Variants in C6orf120 observed in about 807,000 individuals in gnomAD.
C6orf120 encodes UPF0669 protein C6orf120.
For synonymous variants in C6orf120, 165 were observed against 123.1 expected (o/e 1.34, Z -2.25); for missense variants, 311 against 264.2 (o/e 1.18, Z -1.23).
downstream of C6orf120, chr6:169,705,263 TG>T: frequency 6.2e-7 from 1 of 1,613,578 alleles, no homozygotes; most frequent in Non-Finnish European, 8.5e-7. Context: ...TACACTGCCA[TG>T]GGTAGGTCTT....
chr6:169,705,269 G>C, downstream of C6orf120: 1 of 1,613,080 alleles, frequency 6.2e-7, no homozygotes, highest in Non-Finnish European at 8.5e-7. Context: ...GCCATGGGTA[G>C]GTCTTAATCA....
exon 1 of C6orf120, chr6:169,703,995 A>T: frequency 6.3e-7 from 1 of 1,595,060 alleles, no homozygotes; most frequent in East Asian, 2.3e-5. Context: ...TTAGAGTCAA[A>T]AACTATTTTA....
In C6orf120 at chr6:169,702,787, TTCCGGCGC is replaced by T. The variant is rs1380311417; in HGVS notation, c.329_336del (p.Phe110SerfsTer69). Reference sequence around the variant, plus strand: ...GGACGCCGTGTCCATCCCCGCGCACTTCCGGCGCCCAGTGGGCATCGGCGTCTATGGAC... The same window carrying T: ...GGACGCCGTGTCCATCCCCGCGCACTCCAGTGGGCATCGGCGTCTATGGAC... On this transcript the variant is annotated frameshift_variant, in exon 1 of 1. Transcript: ENST00000332290. LOFTEE classifies it low-confidence loss of function (END_TRUNC). 3.1e-6 allele frequency: 5 copies of T among 1,613,020 alleles called. No individual in the cohort carries two copies. The highest frequency in any genetic ancestry group is 4.2e-6 in the Non-Finnish European group (5 of 1,179,954).
At chr6:169,703,768 C>G (rs1461963352) in exon 1 of C6orf120, 1 of 507,266 alleles carries the variant, frequency 2.0e-6, no homozygotes, top group African/African-American at 2.0e-5. Flanking sequence ...TCTTAAGTTA[C>G]TAAACATTTC....
chr6:169,702,325 C>G (rs1354568767), exon 1 of C6orf120: 1 of 644,628 alleles, frequency 1.6e-6, no homozygotes, highest in Non-Finnish European at 2.7e-6. Flanking sequence ...AAGGGACAGT[C>G]CCAGCGACAG....
At chr6:169,702,623 G>C in exon 1 of C6orf120, 1 of 1,613,352 alleles carries the variant, frequency 6.2e-7, no homozygotes. Flanking sequence ...GGGAACTACA[G>C]CTACCTGCGG....
chr6:169,705,266 G>A (rs775110325), downstream of C6orf120: 3 of 1,613,294 alleles, frequency 1.9e-6, no homozygotes, highest in Non-Finnish European at 2.5e-6. Context: ...ACTGCCATGG[G>A]TAGGTCTTAA....
At position 169,702,513 on chromosome 6, in the gene C6orf120, C is replaced by T. The variant is rs370823465; in HGVS notation, c.54C>T (p.Leu18=). The change falls in exon 1 of 1, where the codon CTC becomes CTT. Residue 18 remains leucine, a synonymous_variant. Coordinates refer to ENST00000332290, the Ensembl canonical transcript of C6orf120. ...CCTGGACGACGGCCCTGCTGCTGCT[C>T]CTAGCCTCGCAGGTCCTGTCTCCGG... 989 of 1,606,912 alleles carry T rather than the reference C, an allele frequency of 6.2e-4. 9 individuals are homozygous for T. The South Asian group carries it at 0.011, about 17-fold the overall frequency.
chr6:169,703,496 C>G (rs1326292952), exon 1 of C6orf120: 1 of 208,710 alleles, frequency 4.8e-6, no homozygotes, highest in Non-Finnish European at 1.1e-5. Context: ...CATGCCTGTA[C>G]CCCAAGTAGG....
rs1585294666 is a variant in C6orf120 at position 169,704,285 on chromosome 6, A to G, written c.*1250A>G. Reference sequence around the variant, plus strand: ...ATGTAATCAATGCCATGCAAAATTCATTGCAAGTCAAGGGGGATGGGAGAG... The same window carrying G: ...ATGTAATCAATGCCATGCAAAATTCGTTGCAAGTCAAGGGGGATGGGAGAG... On this transcript the variant is annotated 3_prime_UTR_variant, in exon 1 of 1. Transcript: ENST00000332290. 7.8e-6 allele frequency: 4 copies of G among 513,896 alleles called. No individual in the cohort carries two copies. In the East Asian group the frequency reaches 1.4e-4, roughly 18 times the overall value. The allele number at this position is 513,896 out of a possible 1,614,324, so 31.8% of individuals were successfully genotyped here. A position where few individuals can be genotyped will look rare whatever the true frequency, so the allele number is the denominator to read the frequency against.
exon 1 of C6orf120, chr6:169,702,231 G>A: frequency 1.4e-6 from 1 of 690,122 alleles, no homozygotes; most frequent in South Asian, 1.5e-5. Flanking sequence ...CCCTGCCCCT[G>A]CCCCTGCCCC....
At chr6:169,705,686 C>T (rs1199374859), downstream of C6orf120, 58 of 1,592,674 alleles carry the variant, frequency 3.6e-5, no homozygotes, top group Non-Finnish European at 5.0e-5. Flanking sequence ...CCTTACCCTT[C>T]AGACAAATTC....
At chr6:169,702,856 G>T in exon 1 of C6orf120, 1 of 1,612,008 alleles carries the variant, frequency 6.2e-7, no homozygotes, top group Non-Finnish European at 8.5e-7. Flanking sequence ...CGAGATGAAG[G>T]TGTACTACGA....
chr6:169,703,919 CTT>C, exon 1 of C6orf120: 3 of 1,145,930 alleles, frequency 2.6e-6, no homozygotes, highest in Non-Finnish European at 3.7e-6. Context: ...CAAAAAAAAT[CTT>C]TTATTGGCAT....
chr6:169,703,093 G>T, exon 1 of C6orf120: 1 of 1,490,784 alleles, frequency 6.7e-7, no homozygotes, highest in Non-Finnish European at 9.1e-7. Context: ...ATTGCAGTTT[G>T]CTGTGAACCT....
exon 1 of C6orf120, chr6:169,702,831 C>G: frequency 6.2e-7 from 1 of 1,612,440 alleles, no homozygotes; most frequent in Non-Finnish European, 8.5e-7. Context: ...ACCCCTCCCA[C>G]CTGGAGAGCG....
chr6:169,704,000 A>C (rs1261783151), exon 1 of C6orf120: 1 of 1,597,338 alleles, frequency 6.3e-7, no homozygotes, highest in South Asian at 1.1e-5. Flanking sequence ...GTCAAAAACT[A>C]TTTTATCCCT....
exon 1 of C6orf120, chr6:169,702,983 T>C (rs775591182): frequency 6.3e-7 from 1 of 1,594,070 alleles, no homozygotes; most frequent in East Asian, 2.3e-5. Context: ...GAATCTGTTC[T>C]CTGGACGATA....
At chr6:169,703,775 T>C in exon 1 of C6orf120, 1 of 513,748 alleles carries the variant, frequency 1.9e-6, no homozygotes, top group Non-Finnish European at 3.4e-6. Flanking sequence ...TTACTAAACA[T>C]TTCCACTGAA....
Sources: gnomAD v4.1 joint callset for allele counts on GRCh38, gnomAD v4.1.1 for gene constraint, MANE v1.5 for transcripts, NCBI Gene and HGNC (gene_info 2026-07-23, HGNC 2026-07-21) for gene names.